DPH6: variants seen among roughly 807,000 people sequenced by gnomAD.
DPH6 encodes the protein diphthine--ammonia ligase.
Under a neutral mutation model 38.2 loss-of-function variants are expected in DPH6, and 33 were observed. The observed-to-expected ratio is 0.86, with a 90% CI of 0.65 to 1.15. The LOEUF is 1.15. DPH6 is among the 50% of genes most tolerant of loss of function. The probability of loss-of-function intolerance (pLI) is 0.00; values close to 1 mark genes in which losing one functional copy is unlikely to be tolerated. For synonymous variants in DPH6, 108 were observed against 103.0 expected (o/e 1.05, Z -0.30); for missense variants, 325 against 320.0 (o/e 1.02, Z -0.12).
At chr15:35,189,670 T>C in the DPH6 span, among the ~76,000 whole-genome samples, 1 of 152,328 alleles carries the variant, frequency 6.6e-6, no homozygotes, top group Non-Finnish European at 1.5e-5. Flanking sequence ...ACTTTCCCTC[T>C]GAATGTTAGA....
intron 3 of DPH6, among the ~76,000 whole-genome samples, chr15:35,311,738 T>C (rs989783281): frequency 2.0e-5 from 3 of 152,172 alleles, no homozygotes; most frequent in African/African-American, 7.2e-5. Flanking sequence ...GAGGCATATT[T>C]TAGCTCAACA....
the DPH6 span, among the ~76,000 whole-genome samples, chr15:35,206,727 CTAAA>C: frequency 2.5e-3 from 379 of 152,260 alleles, no homozygotes; most frequent in African/African-American, 8.9e-3. Context: ...TACATGGTAA[CTAAA>C]TAAATTACTT....
chr15:35,338,301 C>G (rs1391156902), intron 3 of DPH6, among the ~76,000 whole-genome samples: 1 of 151,958 alleles, frequency 6.6e-6, no homozygotes, highest in Non-Finnish European at 1.5e-5. Flanking sequence ...GGGCTAATAT[C>G]TAGAATCTAC....
At chr15:35,472,344 G>C (rs2054209044) in intron 3 of DPH6, among the ~76,000 whole-genome samples, 1 of 152,142 alleles carries the variant, frequency 6.6e-6, no homozygotes, top group South Asian at 2.1e-4. Context: ...CCAGGAACCA[G>C]GTACCATTGT....
At chr15:35,323,314 C>T (rs570564901) in intron 3 of DPH6, among the ~76,000 whole-genome samples, 18 of 152,158 alleles carry the variant, frequency 1.2e-4, no homozygotes, top group African/African-American at 3.9e-4. Context: ...TTATGTCTGG[C>T]TTTACACATT....
At chr15:35,370,100 G>A (rs1665106161), downstream of DPH6, among the ~76,000 whole-genome samples, 1 of 151,674 alleles carries the variant, frequency 6.6e-6, no homozygotes, top group Admixed American at 6.6e-5. Context: ...ATGGAGAAAA[G>A]ATAGTCTTTT....
chr15:35,164,790 C>T, the DPH6 span, among the ~76,000 whole-genome samples: 1 of 151,776 alleles, frequency 6.6e-6, no homozygotes, highest in African/African-American at 2.4e-5. Context: ...AATGTTCACT[C>T]TATAATCATC....
At chr15:35,185,283 C>G in the DPH6 span, among the ~76,000 whole-genome samples, 3 of 152,072 alleles carry the variant, frequency 2.0e-5, no homozygotes, top group East Asian at 5.8e-4. Context: ...ACAGCCAGAC[C>G]ACCAGGATTG....
At chr15:35,379,604 G>A (rs560177432) in intron 7 of DPH6, among the ~76,000 whole-genome samples, 4 of 152,090 alleles carry the variant, frequency 2.6e-5, no homozygotes, top group African/African-American at 9.6e-5. Flanking sequence ...TCACATCTTC[G>A]CATTTATTGT....
intron 3 of DPH6, among the ~76,000 whole-genome samples, chr15:35,222,998 G>C (rs962011340): frequency 6.6e-6 from 1 of 152,094 alleles, no homozygotes; most frequent in African/African-American, 2.4e-5. Context: ...CGATTTTGGC[G>C]TCCAAAGACT....
intron 3 of DPH6, among the ~76,000 whole-genome samples, chr15:35,461,116 G>A (rs572355389): frequency 5.3e-5 from 8 of 152,072 alleles, no homozygotes; most frequent in South Asian, 2.1e-4. Context: ...ATGGAGTCTC[G>A]CTCTGTCGCC....
chr15:35,193,797 A>G, the DPH6 span, among the ~76,000 whole-genome samples: 2 of 152,190 alleles, frequency 1.3e-5, no homozygotes, highest in African/African-American at 2.4e-5. Context: ...ATACTAAACC[A>G]ATATGTGACT....
chr15:35,276,874 A>G (rs1266697083), intron 3 of DPH6, among the ~76,000 whole-genome samples: 1 of 151,714 alleles, frequency 6.6e-6, no homozygotes, highest in Non-Finnish European at 1.5e-5. Context: ...ATGCCTCCAG[A>G]TTTGTTCTTT....
chr15:35,390,316 T>C (rs1342410778), intron 6 of DPH6, among the ~76,000 whole-genome samples: 1 of 152,190 alleles, frequency 6.6e-6, no homozygotes, highest in Non-Finnish European at 1.5e-5. Flanking sequence ...GACAATTATG[T>C]GTCTTGGAGT....
At chr15:35,185,432 T>C in the DPH6 span, among the ~76,000 whole-genome samples, 1 of 152,158 alleles carries the variant, frequency 6.6e-6, no homozygotes, top group Non-Finnish European at 1.5e-5. Context: ...GTGCTTTAGA[T>C]TACTATTGAA....
intron 3 of DPH6, among the ~76,000 whole-genome samples, chr15:35,306,549 C>T (rs915048946): frequency 1.3e-5 from 2 of 152,178 alleles, no homozygotes; most frequent in African/African-American, 4.8e-5. Flanking sequence ...CCTCTATCAA[C>T]CTCAGGGCAT....
intron 3 of DPH6, among the ~76,000 whole-genome samples, chr15:35,469,183 T>C (rs1223156516): frequency 6.6e-6 from 1 of 152,176 alleles, no homozygotes; most frequent in African/African-American, 2.4e-5. Context: ...TAGATTACAT[T>C]CTGACAGGGA....
chr15:35,223,618 G>A (rs574472505), intron 3 of DPH6, among the ~76,000 whole-genome samples: 55 of 152,110 alleles, frequency 3.6e-4, no homozygotes, highest in Non-Finnish European at 5.0e-4. Context: ...CCTGGGAGGC[G>A]GAGCTTGCAG....
chr15:35,219,041 A>C (rs1187972353), exon 4 of DPH6: 1 of 152,172 alleles, frequency 6.6e-6, no homozygotes, highest in East Asian at 1.9e-4. Flanking sequence ...TCTTTCATGA[A>C]GATATTTTAA....
Sources: gnomAD v4.1 joint callset for allele counts (sites outside exome capture counted in the v4.1 genomes callset) on GRCh38, gnomAD v4.1.1 for gene constraint, MANE v1.5 for transcripts, NCBI Gene and HGNC (gene_info 2026-07-23, HGNC 2026-07-21) for gene names.